CACNA1C: variants seen among roughly 807,000 people sequenced by gnomAD.
CACNA1C encodes calcium voltage-gated channel subunit alpha1 C.
In CACNA1C, 30 loss-of-function variants were observed where a neutral mutation model predicts 229.0. That is an observed-to-expected ratio of 0.13 (90% CI 0.10 to 0.18). The LOEUF is 0.18. Among genes scored for constraint, CACNA1C ranks in the 10% least tolerant of loss-of-function variants. The pLI is 1.00. For synonymous variants in CACNA1C, 1,114 were observed against 1,132.5 expected, an observed-to-expected ratio of 0.98 and a Z score of 0.33; for missense variants, 1,658 against 2,845.0, an observed-to-expected ratio of 0.58 and a Z score of 9.49.
Position 2,054,534 on chromosome 12 carries a change from A to G in CACNA1C, c.49+923A>G, listed in dbSNP as rs2053842342. 6.6e-6 allele frequency among the ~76,000 whole-genome samples: 1 copy of G among 152,170 alleles called. No individual in the cohort carries two copies. Among genetic ancestry groups the G allele is most frequent in the Non-Finnish European group, 1.5e-5 (1 of 68,028 alleles). On this transcript the variant is annotated intron_variant, in intron 1 of 46. Transcript: ENST00000399655. This position sits in a 1 kb window ranked among gnomAD's most constrained non-coding sequence, Gnocchi z 5.5. ...CCCCCTGTGATGGTGAAAGGCAGTC[A>G]GGTAACTCCCTACTTCCTGGAAACT...
rs573263260 is a variant in CACNA1C, at chr12:2,607,658, C to T, written c.3356+528C>T. On this transcript the variant is annotated intron_variant, in intron 26 of 46. Coordinates refer to ENST00000399655, the MANE Select transcript of CACNA1C (RefSeq NM_000719.7). The stretch of plus-strand genomic sequence containing the variant: ...CCCCACTTCCTCTGCAGAGGCAATG[C>T]GTTTGTGCGTAGAGCAGCCCGTGGG... 7.9e-5 allele frequency among the ~76,000 whole-genome samples: 12 copies of T among 152,362 alleles called. No individual in the cohort carries two copies. In the South Asian group the frequency reaches 8.3e-4, roughly 11 times the overall value.
At chr12:2,025,445 T>A (rs1250411783) in intron 1 of CACNA1C, among the ~76,000 whole-genome samples, 1 of 152,110 alleles carries the variant, frequency 6.6e-6, no homozygotes, top group African/African-American at 2.4e-5. Context: ...CCGTTCCAGC[T>A]CTGCACTCTC....
chr12:2,677,742 C>G lies in CACNA1C; in HGVS notation c.4966C>G (p.Arg1656Gly), dbSNP rs752021213. Residue 1656 changes from arginine to glycine, a missense_variant, in exon 41 of 47, where the codon CGC becomes GGC. Coordinates refer to ENST00000399655, the MANE Select transcript of CACNA1C (RefSeq NM_000719.7). The surrounding 1 kb of genome is among the most constrained non-coding windows in gnomAD (Gnocchi z 7.4). ...RNALSLQAGLRTLHDIGPEIR... is the reference protein window; with the variant it reads ...RNALSLQAGLGTLHDIGPEIR... The stretch of plus-strand genomic sequence containing the variant: ...TCCCCTTGGATTCCAGGCTGGCTTG[C>G]GCACACTGCATGACATCGGGCCTGA... 6.2e-7 allele frequency: 1 copy of G among 1,612,808 alleles called. No homozygotes were observed. Among genetic ancestry groups the G allele is most frequent in the Non-Finnish European group, 8.5e-7 (1 of 1,179,506 alleles).
At chr12:2,038,642 G>T (rs751091179) in intron 1 of CACNA1C, among the ~76,000 whole-genome samples, 1 of 152,200 alleles carries the variant, frequency 6.6e-6, no homozygotes, top group Non-Finnish European at 1.5e-5. Flanking sequence ...ATATGATTCA[G>T]GAACTATTTC....
chr12:2,385,456 C>T (rs1342446438), intron 3 of CACNA1C, among the ~76,000 whole-genome samples: 1 of 152,166 alleles, frequency 6.6e-6, no homozygotes, highest in African/African-American at 2.4e-5. Context: ...TCCTGTATCC[C>T]CCTCACCTTA....
Position 2,467,822 on chromosome 12 carries a change from T to C in CACNA1C, c.757+10116T>C, listed in dbSNP as rs1312290755. Reference sequence around the variant, plus strand: ...CTCCCAGGTGCCCCTGAAAGACGCCTGGGCCAGCAGCTCAAGGCCCACTCA... The same window carrying C: ...CTCCCAGGTGCCCCTGAAAGACGCCCGGGCCAGCAGCTCAAGGCCCACTCA... On this transcript the variant is annotated intron_variant, in intron 5 of 46. Coordinates refer to ENST00000399655, the MANE Select transcript of CACNA1C (RefSeq NM_000719.7). The surrounding 1 kb of genome is among the most constrained non-coding windows in gnomAD (Gnocchi z 4.6). Among the ~76,000 whole-genome samples the C allele has an allele frequency of 6.6e-6, 1 of 152,212 alleles. No homozygotes were observed. Among genetic ancestry groups the C allele is most frequent in the Non-Finnish European group, 1.5e-5 (1 of 68,044 alleles).
Position 2,633,982 on chromosome 12 carries a change from T to A in CACNA1C, c.3829-315T>A, listed in dbSNP as rs1317222159. ...TGGAGCTGAGCAGAGGGAGTGGCGG[T>A]GCAGGGGACACACCGCCCGGCTCCC... On this transcript the variant is annotated intron_variant, in intron 29 of 46. Coordinates refer to ENST00000399655, the MANE Select transcript of CACNA1C (RefSeq NM_000719.7). This position sits in a 1 kb window ranked among gnomAD's most constrained non-coding sequence, Gnocchi z 5.8. Among the ~76,000 whole-genome samples the A allele has an allele frequency of 6.6e-6, 1 of 152,000 alleles. No homozygotes were observed. Among genetic ancestry groups the A allele is most frequent in the African/African-American group, 2.4e-5 (1 of 41,374 alleles).
Position 2,537,560 on chromosome 12 carries a change from G to A in CACNA1C, c.1391-12383G>A, listed in dbSNP as rs11062259. ...AATGGCCATTAGGTGTCATGGAACCGGGTTGGAGGAGGATTGGGGGTGCAA... is the reference window on the plus strand; with the variant it reads ...AATGGCCATTAGGTGTCATGGAACCAGGTTGGAGGAGGATTGGGGGTGCAA... On this transcript the variant is annotated intron_variant, in intron 9 of 46. Coordinates refer to ENST00000399655, the MANE Select transcript of CACNA1C (RefSeq NM_000719.7). Among the ~76,000 whole-genome samples, 173 of 152,334 alleles carry A rather than the reference G, an allele frequency of 1.1e-3. 1 individual carries two copies. The East Asian group carries it at 0.012, about 11-fold the overall frequency.
rs554737427 is a variant in CACNA1C, at chr12:2,679,514, C to G, written c.5162C>G (p.Thr1721Ser). 27 of 1,611,900 alleles carry G rather than the reference C, an allele frequency of 1.7e-5. No homozygotes were observed. The South Asian group carries it at 2.2e-4, about 13-fold the overall frequency. Residue 1721 changes from threonine (T) to serine (S), a missense_variant, in exon 42 of 47, where the codon ACC (threonine) becomes AGC (serine). Around this residue, in one of 20 missense-constraint regions of CACNA1C, gnomAD observed 590 missense variants for 700.8 expected, o/e 0.84. Transcript: ENST00000399655. The surrounding 1 kb of genome is among the most constrained non-coding windows in gnomAD (Gnocchi z 5.5). ...QSDGRSAFPQ[T>S]FTTQRPLHIN... ...GACGGCCGGAGCGCCTTCCCCCAGA[C>G]CTTCACCACTCAGCGCCCGCTGCAC...
Position 2,679,404 on chromosome 12 carries a change from C to T in CACNA1C, c.5092-40C>T, listed in dbSNP as rs116177151. 978 of 1,400,896 alleles carry T rather than the reference C, an allele frequency of 7.0e-4. 4 individuals are homozygous for T. The African/African-American group carries it at 0.011, about 16-fold the overall frequency. The allele number at this position is 1,400,896 out of a possible 1,614,324, so 86.8% of individuals were successfully genotyped here. A position where few individuals can be genotyped will look rare whatever the true frequency, so the allele number is the denominator to read the frequency against. ...GGCTGCTCTCTGGGAGGAGTGGGTG[C>T]TAAGGGGCTTCTCCACCCACCCCTC... On this transcript the variant is annotated intron_variant, in intron 41 of 46. Coordinates refer to ENST00000399655, the MANE Select transcript of CACNA1C (RefSeq NM_000719.7). This position sits in a 1 kb window ranked among gnomAD's most constrained non-coding sequence, Gnocchi z 5.5.
intron 3 of CACNA1C, among the ~76,000 whole-genome samples, chr12:2,392,700 T>C (rs2098506344): frequency 6.6e-6 from 1 of 152,198 alleles, no homozygotes; most frequent in Non-Finnish European, 1.5e-5. Flanking sequence ...GGACCTGAAC[T>C]TGGGCTGGAG....
At chr12:2,172,276 G>A (rs1244354831) in intron 3 of CACNA1C, among the ~76,000 whole-genome samples, 2 of 152,150 alleles carry the variant, frequency 1.3e-5, no homozygotes, top group Admixed American at 6.5e-5. Flanking sequence ...CCTCTCTGCC[G>A]CTGGCTGTTT....
chr12:2,171,063 G>A (rs549738601), intron 3 of CACNA1C, among the ~76,000 whole-genome samples: 1 of 152,372 alleles, frequency 6.6e-6, no homozygotes, highest in African/African-American at 2.4e-5. Context: ...TCACGTGTGG[G>A]GCTGGATTGC....
intron 1 of CACNA1C, among the ~76,000 whole-genome samples, chr12:2,107,259 G>A (rs1288179785): frequency 1.4e-5 from 2 of 145,732 alleles, no homozygotes; most frequent in Non-Finnish European, 3.0e-5. Context: ...CCACCCTGGA[G>A]AGAGTTTCCA....
chr12:2,155,836 C>T (rs115706265), intron 3 of CACNA1C, among the ~76,000 whole-genome samples: 2,094 of 152,296 alleles, frequency 0.014, 39 homozygotes, highest in African/African-American at 0.046. Context: ...TTTAATTATG[C>T]TCCGTGCTTG....
intron 3 of CACNA1C, among the ~76,000 whole-genome samples, chr12:2,182,820 G>A (rs2096881734): frequency 6.6e-6 from 1 of 152,114 alleles, no homozygotes; most frequent in African/African-American, 2.4e-5. Flanking sequence ...CCCTGCAGCG[G>A]CTCAGGGAAG....
At chr12:2,520,035 C>A (rs1364480797) in intron 9 of CACNA1C, among the ~76,000 whole-genome samples, 1 of 152,276 alleles carries the variant, frequency 6.6e-6, no homozygotes, top group Non-Finnish European at 1.5e-5. Flanking sequence ...AGCAAAACCA[C>A]CAGCTCTGGG....
At chr12:2,533,897 C>T (rs2099846920) in intron 9 of CACNA1C, among the ~76,000 whole-genome samples, 1 of 152,182 alleles carries the variant, frequency 6.6e-6, no homozygotes, top group South Asian at 2.1e-4. Context: ...GAGGTGCTGT[C>T]ATGTGAGCGC....
chr12:2,377,866 C>G (rs1420441583), intron 3 of CACNA1C, among the ~76,000 whole-genome samples: 2 of 152,174 alleles, frequency 1.3e-5, no homozygotes, highest in Non-Finnish European at 2.9e-5. Flanking sequence ...CTCCCTGTGT[C>G]CTGTGGGAGA....
Sources: gnomAD v4.1 joint callset for allele counts (sites outside exome capture counted in the v4.1 genomes callset) on GRCh38, gnomAD v4.1.1 for gene constraint, gnomAD v4.1.1 regional missense constraint, Gnocchi (gnomAD v3.1) non-coding constraint, MANE v1.5 for transcripts, NCBI Gene and HGNC (gene_info 2026-07-23, HGNC 2026-07-21) for gene names.